The following HPCAL1 variants were observed in gnomAD, a reference collection of about 807,000 sequenced individuals.
HPCAL1 encodes the protein hippocalcin-like protein 1.
HPCAL1 carries 8 observed loss-of-function variants against 17.1 expected under a neutral mutation model. The observed-to-expected ratio is 0.47, with a 90% CI of 0.27 to 0.84. The LOEUF is 0.84. HPCAL1 is among the 40% of genes least tolerant of loss of function. HPCAL1 has a pLI of 0.13. For missense variants in HPCAL1, 165 were observed against 271.1 expected (o/e 0.61, Z 2.75); for synonymous variants, 112 against 111.4 (o/e 1.01, Z -0.03).
intron 1 of HPCAL1, among the ~76,000 whole-genome samples, chr2:10,347,965 A>G (rs566323210): frequency 6.6e-6 from 1 of 152,232 alleles, no homozygotes; most frequent in Admixed American, 6.5e-5. Context: ...TGGTATCTTC[A>G]TAAGTCACTC....
chr2:10,388,490 G>A (rs73163030), intron 1 of HPCAL1, among the ~76,000 whole-genome samples: 1,599 of 152,286 alleles, frequency 0.011, 27 homozygotes, highest in African/African-American at 0.036. Context: ...ACAACACATC[G>A]TGTTTCGAGG....
At chr2:10,360,656 G>C (rs370806652) in intron 1 of HPCAL1, among the ~76,000 whole-genome samples, 1 of 152,070 alleles carries the variant, frequency 6.6e-6, no homozygotes, top group Non-Finnish European at 1.5e-5. Flanking sequence ...CGGGTGATCC[G>C]CCCACCTGGG....
intron 1 of HPCAL1, among the ~76,000 whole-genome samples, chr2:10,390,474 A>G (rs1049779162): frequency 6.6e-6 from 1 of 152,198 alleles, no homozygotes; most frequent in African/African-American, 2.4e-5. Context: ...CAAAATAGTC[A>G]TAATCCAAAA....
chr2:10,423,701 C>A (rs4392229), intron 4 of HPCAL1: 1 of 152,530 alleles, frequency 6.6e-6, no homozygotes, highest in Admixed American at 6.5e-5. Context: ...GGCGGCTGTG[C>A]GGCCCTCCCA....
chr2:10,366,040 G>A (rs913925440), intron 1 of HPCAL1, among the ~76,000 whole-genome samples: 14 of 152,098 alleles, frequency 9.2e-5, no homozygotes, highest in African/African-American at 3.1e-4. Context: ...CACGCCTCCC[G>A]CAGCGTTGTC....
At position 10,331,005 on chromosome 2, in the gene HPCAL1, T is replaced by C. The variant is rs1664335141; in HGVS notation, c.-111+27828T>C. Among the ~76,000 whole-genome samples the C allele has an allele frequency of 6.6e-6, 1 of 152,082 alleles. No homozygotes were observed. The highest frequency in any genetic ancestry group is 6.6e-5 in the Admixed American group (1 of 15,266). ...GTGCCTCCTTTGCAGCCCCGGCCTC[T>C]CCAGTTCTCTGTGTCTTGCCATCTT... On this transcript the variant is annotated intron_variant, in intron 1 of 4. Transcript: ENST00000307845. The surrounding 1 kb of genome is among the most constrained non-coding windows in gnomAD (Gnocchi z 5.0).
intron 1 of HPCAL1, among the ~76,000 whole-genome samples, chr2:10,348,626 T>A (rs57472486): frequency 0.036 from 5,367 of 150,168 alleles, 338 homozygotes; most frequent in African/African-American, 0.12. Flanking sequence ...TATATATATA[T>A]AAATTAGCCA....
chr2:10,402,060 C>T (rs552271981), intron 2 of HPCAL1, among the ~76,000 whole-genome samples: 3 of 152,240 alleles, frequency 2.0e-5, no homozygotes, highest in South Asian at 2.1e-4. Flanking sequence ...CCACCACGCC[C>T]GGCTAATTTT....
chr2:10,380,459 C>T (rs1667867558), intron 1 of HPCAL1, among the ~76,000 whole-genome samples: 3 of 152,176 alleles, frequency 2.0e-5, no homozygotes, highest in Admixed American at 2.0e-4. Flanking sequence ...AGCCTTCTGG[C>T]TCTGGGCCAA....
At chr2:10,383,061 A>G (rs1668068304) in intron 1 of HPCAL1, among the ~76,000 whole-genome samples, 1 of 152,196 alleles carries the variant, frequency 6.6e-6, no homozygotes, top group African/African-American at 2.4e-5. Flanking sequence ...CCTTACCATT[A>G]GAGTCTGCAA....
At chr2:10,357,775 C>T (rs1026400470) in intron 1 of HPCAL1, among the ~76,000 whole-genome samples, 3 of 152,036 alleles carry the variant, frequency 2.0e-5, no homozygotes, top group Non-Finnish European at 2.9e-5. Flanking sequence ...ATCCCATCCC[C>T]GACTGTAACA....
Position 10,394,634 on chromosome 2 carries a change from C to G in HPCAL1, c.-110-2201C>G, listed in dbSNP as rs533443622. Among the ~76,000 whole-genome samples the G allele has an allele frequency of 1.2e-4, 18 of 152,194 alleles. No homozygotes were observed. The East Asian group carries it at 3.3e-3, about 28-fold the overall frequency. On this transcript the variant is annotated intron_variant, in intron 1 of 4. Coordinates refer to ENST00000307845, the MANE Select transcript of HPCAL1 (RefSeq NM_002149.4). This position sits in a 1 kb window ranked among gnomAD's most constrained non-coding sequence, Gnocchi z 5.0. ...GGGAACCCTAACGTGAGCTGCGGAC[C>G]TGGGGGGTGATGATGGTCAGTGCAG...
intron 1 of HPCAL1, among the ~76,000 whole-genome samples, chr2:10,381,400 G>A (rs1280166682): frequency 6.6e-6 from 1 of 152,164 alleles, no homozygotes; most frequent in Non-Finnish European, 1.5e-5. Flanking sequence ...GGGTTTCCAG[G>A]CATTAAGTGA....
Position 10,323,269 on chromosome 2 carries a change from C to T in HPCAL1, c.-111+20092C>T, listed in dbSNP as rs1401871271. Among the ~76,000 whole-genome samples the T allele has an allele frequency of 6.6e-6, 1 of 152,246 alleles. No individual in the cohort carries two copies. Among genetic ancestry groups the T allele is most frequent in the Admixed American group, 6.5e-5 (1 of 15,290 alleles). ...GGTTGCAGGTTCCCGTCCAGCCTCT[C>T]AAGCTGGCTGCTCCCCTTTCTCAGT... On this transcript the variant is annotated intron_variant, in intron 1 of 4. Transcript: ENST00000307845. This position sits in a 1 kb window ranked among gnomAD's most constrained non-coding sequence, Gnocchi z 4.6.
chr2:10,351,493 C>T (rs978327900), intron 1 of HPCAL1, among the ~76,000 whole-genome samples: 1 of 152,118 alleles, frequency 6.6e-6, no homozygotes, highest in Non-Finnish European at 1.5e-5. Flanking sequence ...TGCCATGGCT[C>T]ATGCCAATAA....
intron 1 of HPCAL1, among the ~76,000 whole-genome samples, chr2:10,307,262 C>T (rs933561899): frequency 3.3e-5 from 5 of 152,226 alleles, no homozygotes; most frequent in African/African-American, 1.2e-4. Flanking sequence ...CGTGGTTCTC[C>T]TCTTGGAAGT....
At chr2:10,386,871 A>G (rs1028258959) in intron 1 of HPCAL1, among the ~76,000 whole-genome samples, 1 of 152,184 alleles carries the variant, frequency 6.6e-6, no homozygotes, top group African/African-American at 2.4e-5. Flanking sequence ...TTTCACTGCA[A>G]TGGCTCACTG....
intron 1 of HPCAL1, among the ~76,000 whole-genome samples, chr2:10,332,547 C>G (rs1325722434): frequency 6.6e-6 from 1 of 152,024 alleles, no homozygotes; most frequent in Non-Finnish European, 1.5e-5. Flanking sequence ...CCCCTGTACT[C>G]CCTAGCTGGG....
At chr2:10,361,834 G>A (rs549373969) in intron 1 of HPCAL1, among the ~76,000 whole-genome samples, 8 of 151,156 alleles carry the variant, frequency 5.3e-5, no homozygotes, top group South Asian at 2.1e-4. Flanking sequence ...TTCCTGCTTC[G>A]GCTTCCTGAG....
Sources: gnomAD v4.1 joint callset for allele counts (sites outside exome capture counted in the v4.1 genomes callset) on GRCh38, gnomAD v4.1.1 for gene constraint, Gnocchi (gnomAD v3.1) non-coding constraint, MANE v1.5 for transcripts, NCBI Gene and HGNC (gene_info 2026-07-23, HGNC 2026-07-21) for gene names.